Variants in SPMIP6 observed in about 807,000 individuals in gnomAD.
The protein encoded by SPMIP6 is sperm microtubule inner protein 6.
chr9:34,381,764 C>G, the SPMIP6 span: 1 of 985,384 alleles, frequency 1.0e-6, no homozygotes, highest in Non-Finnish European at 1.2e-6. This position sits in a 1 kb window ranked among gnomAD's most constrained non-coding sequence, Gnocchi z 4.4. Context: ...CTGGGTGTCT[C>G]TCTAATAGGG....
At chr9:34,393,511 T>G in the SPMIP6 span, among the ~76,000 whole-genome samples, 1 of 152,202 alleles carries the variant, frequency 6.6e-6, no homozygotes, top group Non-Finnish European at 1.5e-5. Flanking sequence ...TTTTTTTTCT[T>G]TGTCTGTTTT....
chr9:34,391,203 C>A, the SPMIP6 span, among the ~76,000 whole-genome samples: 1 of 152,086 alleles, frequency 6.6e-6, no homozygotes, highest in Non-Finnish European at 1.5e-5. Flanking sequence ...CATTTGTTTT[C>A]AATTTTATTA....
the SPMIP6 span, among the ~76,000 whole-genome samples, chr9:34,389,057 G>A: frequency 2.7e-3 from 408 of 150,644 alleles, no homozygotes; most frequent in Non-Finnish European, 4.9e-3. Flanking sequence ...TTAGCCTACC[G>A]AATAGCTGGG....
chr9:34,379,270 C>G, the SPMIP6 span: 2,457 of 810,190 alleles, frequency 3.0e-3, 41 homozygotes, highest in African/African-American at 0.036. The surrounding 1 kb of genome is among the most constrained non-coding windows in gnomAD (Gnocchi z 4.2). Flanking sequence ...CTTATCCCTA[C>G]ACTTTGTCTA....
At chr9:34,380,892 C>G in the SPMIP6 span, 1 of 1,536,786 alleles carries the variant, frequency 6.5e-7, no homozygotes, top group Non-Finnish European at 8.7e-7. Flanking sequence ...CGGAGCCCTG[C>G]GAACCTTACA....
chr9:34,379,722 G>A, the SPMIP6 span: 90 of 1,613,838 alleles, frequency 5.6e-5, no homozygotes, highest in East Asian at 7.1e-4. This position sits in a 1 kb window ranked among gnomAD's most constrained non-coding sequence, Gnocchi z 4.2. Context: ...TGCTCGTAGG[G>A]AGGTACACAT....
At chr9:34,379,700 A>T in the SPMIP6 span, 3 of 1,614,160 alleles carry the variant, frequency 1.9e-6, no homozygotes, top group Non-Finnish European at 1.7e-6. The surrounding 1 kb of genome is among the most constrained non-coding windows in gnomAD (Gnocchi z 4.2). Context: ...AGCACACTGC[A>T]TTCCGGGCCG....
chr9:34,385,244 G>T, the SPMIP6 span, among the ~76,000 whole-genome samples: 1 of 152,022 alleles, frequency 6.6e-6, no homozygotes, highest in East Asian at 1.9e-4. Context: ...ATAGAATCAG[G>T]ATGGAGGCTG....
At chr9:34,383,144 T>G in the SPMIP6 span, among the ~76,000 whole-genome samples, 2 of 152,246 alleles carry the variant, frequency 1.3e-5, no homozygotes, top group Non-Finnish European at 2.9e-5. Context: ...TCAGCCAGCC[T>G]GGACAAGGAG....
chr9:34,382,940 A>T, the SPMIP6 span: 2 of 1,032,570 alleles, frequency 1.9e-6, no homozygotes, highest in Non-Finnish European at 3.1e-6. Context: ...GATCCCCTAC[A>T]TGTTTCTCTT....
At chr9:34,379,038 T>C in the SPMIP6 span, 1 of 1,255,386 alleles carries the variant, frequency 8.0e-7, no homozygotes, top group Non-Finnish European at 1.2e-6. This position sits in a 1 kb window ranked among gnomAD's most constrained non-coding sequence, Gnocchi z 4.2. Context: ...GAAGAGTTTA[T>C]TTATTGCTCT....
the SPMIP6 span, among the ~76,000 whole-genome samples, chr9:34,390,382 T>C: frequency 6.6e-6 from 1 of 152,212 alleles, no homozygotes; most frequent in Non-Finnish European, 1.5e-5. Context: ...AATGGCTTCA[T>C]TGAGGTATAA....
the SPMIP6 span, among the ~76,000 whole-genome samples, chr9:34,380,174 G>A: frequency 6.6e-6 from 1 of 152,082 alleles, no homozygotes; most frequent in Non-Finnish European, 1.5e-5. Flanking sequence ...AGGGGCGGGG[G>A]ATCACTATGG....
At chr9:34,388,763 G>C in the SPMIP6 span, among the ~76,000 whole-genome samples, 2 of 152,062 alleles carry the variant, frequency 1.3e-5, no homozygotes, top group Admixed American at 1.3e-4. Context: ...GGGGTTTTAG[G>C]AGGGAGTCAA....
chr9:34,381,548 C>T, the SPMIP6 span: 1 of 1,555,998 alleles, frequency 6.4e-7, no homozygotes, highest in South Asian at 1.2e-5. This position sits in a 1 kb window ranked among gnomAD's most constrained non-coding sequence, Gnocchi z 4.4. Flanking sequence ...CGCAACTTCT[C>T]CCGCCCTTCA....
chr9:34,387,547 C>T, the SPMIP6 span, among the ~76,000 whole-genome samples: 1 of 152,110 alleles, frequency 6.6e-6, no homozygotes, highest in East Asian at 1.9e-4. Flanking sequence ...CAGATACACC[C>T]ATAGATGCAC....
At chr9:34,394,293 CTACAGG>C in the SPMIP6 span, among the ~76,000 whole-genome samples, 1 of 152,064 alleles carries the variant, frequency 6.6e-6, no homozygotes, top group East Asian at 1.9e-4. Flanking sequence ...GTAGCTGGGA[CTACAGG>C]CATCCACCAC....
chr9:34,393,955 T>A, the SPMIP6 span, among the ~76,000 whole-genome samples: 3 of 152,120 alleles, frequency 2.0e-5, no homozygotes, highest in South Asian at 6.2e-4. Context: ...TTTTTAATAA[T>A]CTCTTATTGC....
chr9:34,380,687 G>GCCC, the SPMIP6 span: 1 of 1,546,882 alleles, frequency 6.5e-7, no homozygotes, highest in African/African-American at 1.4e-5. Flanking sequence ...GGGACTTGGA[G>GCCC]TAACCTTCGT....
Sources: gnomAD v4.1 joint callset for allele counts (sites outside exome capture counted in the v4.1 genomes callset) on GRCh38, gnomAD v4.1.1 for gene constraint, Gnocchi (gnomAD v3.1) non-coding constraint, MANE v1.5 for transcripts, NCBI Gene and HGNC (gene_info 2026-07-23, HGNC 2026-07-21) for gene names.